Variants in MED13L observed in about 807,000 individuals in gnomAD.
MED13L encodes the protein mediator complex subunit 13L, also known as mediator of RNA polymerase II transcription subunit 13-like.
Under a neutral mutation model 220.9 loss-of-function variants are expected in MED13L, and 7 were observed. That is an observed-to-expected ratio of 0.03 (90% confidence interval 0.02 to 0.06). The LOEUF is 0.06. Ranked by LOEUF, MED13L falls within the 10% of genes least tolerant of loss-of-function variation. MED13L has a pLI of 1.00. For missense variants in MED13L, 1,965 were observed against 2,760.5 expected (o/e 0.71, Z 6.46); for synonymous variants, 1,011 against 1,015.2 (o/e 1.00, Z 0.08).
chr12:116,132,897 G>A (rs1156422101), intron 2 of MED13L, among the ~76,000 whole-genome samples: 3 of 151,884 alleles, frequency 2.0e-5, no homozygotes, highest in African/African-American at 7.3e-5. Flanking sequence ...GGGTGACAAA[G>A]CGAGACTCTG....
chr12:116,270,410 G>T (rs1256798549), intron 1 of MED13L, among the ~76,000 whole-genome samples: 1 of 152,118 alleles, frequency 6.6e-6, no homozygotes, highest in Non-Finnish European at 1.5e-5. Flanking sequence ...CCCGCAAAGT[G>T]ATGGGATTAC....
At position 116,270,287 on chromosome 12, in the gene MED13L, G is replaced by A. The variant is rs913144285; in HGVS notation, c.72+6773C>T. 7.2e-5 allele frequency among the ~76,000 whole-genome samples: 11 copies of A among 151,818 alleles called. 1 individual carries two copies. In the East Asian group the frequency reaches 1.9e-3, roughly 27 times the overall value. The stretch of plus-strand genomic sequence containing the variant: ...CTCCCAAGTAGCTGGGACTACAGAC[G>A]CGCACCACCACACCCAGCTAATTAT... On this transcript the variant is annotated intron_variant, in intron 1 of 30. Transcript: ENST00000281928.
chr12:116,205,305 AT>A, intron 2 of MED13L, among the ~76,000 whole-genome samples: 1 of 152,006 alleles, frequency 6.6e-6, no homozygotes, highest in South Asian at 2.1e-4. Flanking sequence ...TGTAATACAA[AT>A]TTTTTTCAAG....
rs755813193 is a variant in MED13L at position 116,007,581 on chromosome 12, A to G, written c.2068T>C (p.Leu690=). 1.2e-6 allele frequency: 2 copies of G among 1,608,992 alleles called. No homozygotes were observed. The highest frequency in any genetic ancestry group is 1.7e-5 in the Admixed American group (1 of 59,286). ...GGGTCAAGGAAGTGGAGTGGCTGCA[A>G]CTGGGGCTGTTTGTCTTGCCAGATT... ...FKIWQDKQPQ[L]QPLHFLDPLP... Residue 690 remains leucine (L), a synonymous_variant, in exon 11 of 31, where the codon TTG becomes CTG. Transcript: ENST00000281928.
intron 7 of MED13L, among the ~76,000 whole-genome samples, chr12:116,015,624 G>A (rs1796917354): frequency 6.6e-6 from 1 of 152,162 alleles, no homozygotes; most frequent in Non-Finnish European, 1.5e-5. Flanking sequence ...TATTAAAGAT[G>A]CAAACCTCCA....
chr12:116,220,626 G>A (rs936066338), intron 2 of MED13L, among the ~76,000 whole-genome samples: 13 of 152,214 alleles, frequency 8.5e-5, no homozygotes, highest in Non-Finnish European at 1.8e-4. Context: ...TTGATCCCGG[G>A]AGGCGGAGGT....
intron 2 of MED13L, among the ~76,000 whole-genome samples, chr12:116,200,272 C>A (rs1881928947): frequency 6.6e-6 from 1 of 151,974 alleles, no homozygotes; most frequent in African/African-American, 2.4e-5. Flanking sequence ...AATGGCCACA[C>A]TGCAGTCATT....
intron 4 of MED13L, among the ~76,000 whole-genome samples, chr12:116,067,157 G>C (rs2137664615): frequency 6.6e-6 from 1 of 152,020 alleles, no homozygotes; most frequent in Admixed American, 6.5e-5. Context: ...CAGAGAATAT[G>C]AAATATGTAA....
At chr12:116,007,384 C>T in intron 11 of MED13L, 27 bp downstream of exon 11, 1 of 1,580,312 alleles carries the variant, frequency 6.3e-7, no homozygotes, top group Non-Finnish European at 8.7e-7. Flanking sequence ...CCACACCATG[C>T]TGGACTCTCT....
At chr12:116,077,797 A>G in intron 4 of MED13L, among the ~76,000 whole-genome samples, 1 of 152,244 alleles carries the variant, frequency 6.6e-6, no homozygotes, top group East Asian at 1.9e-4. Context: ...TAACTTAAAT[A>G]GGACAGAGAG....
intron 2 of MED13L, among the ~76,000 whole-genome samples, chr12:116,236,001 A>AG (rs1187378816): frequency 4.6e-5 from 7 of 152,204 alleles, no homozygotes; most frequent in Non-Finnish European, 1.0e-4. Context: ...TCTACTACAT[A>AG]GGGAAAAAAA....
At chr12:116,133,656 C>T (rs968643094) in intron 2 of MED13L, among the ~76,000 whole-genome samples, 2 of 152,168 alleles carry the variant, frequency 1.3e-5, no homozygotes, top group Non-Finnish European at 2.9e-5. Context: ...GTCTTCCTAT[C>T]AAGTGATAGG....
intron 3 of MED13L, among the ~76,000 whole-genome samples, chr12:116,101,421 T>C (rs1386322842): frequency 1.3e-5 from 2 of 152,242 alleles, no homozygotes; most frequent in Non-Finnish European, 2.9e-5. Context: ...TATTTTCCTA[T>C]TCATAATGTA....
chr12:116,094,507 G>A (rs1872506775), intron 4 of MED13L, among the ~76,000 whole-genome samples: 1 of 152,160 alleles, frequency 6.6e-6, no homozygotes, highest in Admixed American at 6.5e-5. Context: ...TGAGTGTAAA[G>A]ATATACAAAC....
chr12:116,134,292 G>A (rs987458155), intron 2 of MED13L, among the ~76,000 whole-genome samples: 2 of 152,030 alleles, frequency 1.3e-5, no homozygotes, highest in Non-Finnish European at 2.9e-5. Flanking sequence ...ACTGAGAGAC[G>A]AACTAAATTT....
chr12:116,113,881 A>AG (rs1874308420), intron 2 of MED13L, among the ~76,000 whole-genome samples: 1 of 141,304 alleles, frequency 7.1e-6, no homozygotes, highest in Non-Finnish European at 1.5e-5. Context: ...CAGAAGGGGG[A>AG]GATCGATCAA....
At chr12:116,115,711 G>A (rs1000759559) in intron 2 of MED13L, among the ~76,000 whole-genome samples, 3 of 151,518 alleles carry the variant, frequency 2.0e-5, no homozygotes, top group Non-Finnish European at 4.4e-5. Flanking sequence ...TTGAACAGAC[G>A]GTTCACCAAG....
intron 13 of MED13L, among the ~76,000 whole-genome samples, chr12:116,005,133 A>T (rs540269649): frequency 6.6e-6 from 1 of 152,314 alleles, no homozygotes; most frequent in Admixed American, 6.5e-5. Context: ...ATGAATAGGG[A>T]GGTAGATAAG....
At chr12:116,192,369 T>A (rs575002014) in intron 2 of MED13L, among the ~76,000 whole-genome samples, 1 of 152,260 alleles carries the variant, frequency 6.6e-6, no homozygotes, top group African/African-American at 2.4e-5. Context: ...TTGCTTAATC[T>A]AAGAGAGTAA....
Sources: allele counts gnomAD v4.1 joint callset (sites outside exome capture counted in the v4.1 genomes callset), GRCh38; gene constraint gnomAD v4.1.1; transcripts MANE v1.5; gene names NCBI Gene and HGNC (gene_info 2026-07-23, HGNC 2026-07-21).